The following AP4S1 variants were observed in gnomAD, a reference collection of about 807,000 sequenced individuals.
AP4S1 encodes AP-4 complex subunit sigma-1.
In AP4S1, 23 loss-of-function variants were observed where a neutral mutation model predicts 19.8. The ratio of observed to expected loss-of-function variants is 1.16; its 90% CI spans 0.84 to 1.65. The LOEUF (loss-of-function observed/expected upper bound fraction) is 1.65, where lower values mean the gene tolerates loss of function less well. AP4S1 is among the 40% of genes most tolerant of loss of function. The probability of loss-of-function intolerance (pLI) is 0.00; values close to 1 mark genes in which losing one functional copy is unlikely to be tolerated. For missense variants in AP4S1, 166 were observed against 172.8 expected (o/e 0.96, Z 0.22); for synonymous variants, 46 against 54.1 (o/e 0.85, Z 0.66).
intron 1 of AP4S1, among the ~76,000 whole-genome samples, chr14:31,045,290 A>G (rs1001929833): frequency 6.6e-6 from 1 of 152,168 alleles, no homozygotes; most frequent in African/African-American, 2.4e-5. Flanking sequence ...ACCGTTTGAT[A>G]TGGTTAGGCT....
chr14:31,057,121 T>A (rs1001963821), intron 1 of AP4S1, among the ~76,000 whole-genome samples: 2 of 152,152 alleles, frequency 1.3e-5, no homozygotes, highest in African/African-American at 4.8e-5. Flanking sequence ...ATGACACTGA[T>A]ATGTAGAGTG....
intron 1 of AP4S1, chr14:31,026,110 C>T: frequency 6.6e-7 from 1 of 1,515,938 alleles, no homozygotes; most frequent in Non-Finnish European, 8.8e-7. Context: ...CCCAGGTTCC[C>T]CCCAGGTCCC....
intron 4 of AP4S1, among the ~76,000 whole-genome samples, chr14:31,074,324 C>CAAAT (rs138770796): frequency 0.045 from 6,302 of 139,052 alleles, 181 homozygotes; most frequent in African/African-American, 0.082. Context: ...GACTCCGTCT[C>CAAAT]AAATAAATAA....
At position 31,025,665 on chromosome 14, in the gene AP4S1, G is replaced by A. The variant is rs1263507605; in HGVS notation, c.-194G>A. 6.4e-6 allele frequency: 4 copies of A among 622,298 alleles called. No individual in the cohort carries two copies. The highest frequency in any genetic ancestry group is 1.1e-5 in the Non-Finnish European group (4 of 374,670). The allele number at this position is 622,298 out of a possible 1,614,324, so 38.5% of individuals were successfully genotyped here. A position where few individuals can be genotyped will look rare whatever the true frequency, so the allele number is the denominator to read the frequency against. ...AGACGCCATACTAAAAGCCAAAATG[G>A]CTGCCCCGAGGAGGCCCGCACCGCG... On this transcript the variant is annotated 5_prime_UTR_variant, in exon 1 of 6. Coordinates refer to ENST00000542754, the MANE Select transcript of AP4S1 (RefSeq NM_001128126.3).
At chr14:31,089,022 C>T (rs927622823) in intron 5 of AP4S1, among the ~76,000 whole-genome samples, 1 of 151,204 alleles carries the variant, frequency 6.6e-6, no homozygotes, top group Non-Finnish European at 1.5e-5. Flanking sequence ...ATTAGATGGG[C>T]GTGGCAGCGC....
At chr14:31,051,608 CTT>C (rs1362859342) in intron 1 of AP4S1, among the ~76,000 whole-genome samples, 2 of 152,146 alleles carry the variant, frequency 1.3e-5, no homozygotes, top group African/African-American at 2.4e-5. Flanking sequence ...GATTTTGCGA[CTT>C]AACATTATTT....
intron 2 of AP4S1, among the ~76,000 whole-genome samples, chr14:31,067,147 G>C (rs1286402987): frequency 6.7e-6 from 1 of 150,356 alleles, no homozygotes; most frequent in Non-Finnish European, 1.5e-5. Context: ...GGTGAAGGTT[G>C]CAGTGAGCCA....
intron 4 of AP4S1, among the ~76,000 whole-genome samples, chr14:31,077,615 C>G (rs1162489329): frequency 1.3e-5 from 2 of 152,028 alleles, no homozygotes; most frequent in South Asian, 2.1e-4. Context: ...GCCCAGAAAT[C>G]TGTTTTAAGA....
At chr14:31,058,122 G>A (rs1886226069) in intron 1 of AP4S1, among the ~76,000 whole-genome samples, 1 of 152,054 alleles carries the variant, frequency 6.6e-6, no homozygotes, top group South Asian at 2.1e-4. Context: ...GTAGAGGCAT[G>A]GTCTCCTATA....
intron 1 of AP4S1, among the ~76,000 whole-genome samples, chr14:31,046,357 G>A (rs1225723530): frequency 2.0e-5 from 3 of 152,012 alleles, no homozygotes; most frequent in Non-Finnish European, 4.4e-5. Context: ...GCTTTTTCTG[G>A]ACATTTCTTA....
At position 31,047,797 on chromosome 14, in the gene AP4S1, A is replaced by G. The variant is rs368653077; in HGVS notation, c.-71-18329A>G. Among the ~76,000 whole-genome samples the G allele has an allele frequency of 4.0e-4, 61 of 152,180 alleles. 1 individual carries two copies. The East Asian group carries it at 0.011, about 26-fold the overall frequency. On this transcript the variant is annotated intron_variant, in intron 1 of 5. Transcript: ENST00000542754. ...AGGCTCAAGCCATTGTCATGCCTCA[A>G]TGACAAGCCTCCCGAGTAGTTGGGA...
At chr14:31,089,994 A>G (rs1248962733) in intron 5 of AP4S1, among the ~76,000 whole-genome samples, 1 of 152,064 alleles carries the variant, frequency 6.6e-6, no homozygotes, top group Non-Finnish European at 1.5e-5. Flanking sequence ...ATTTTTATTT[A>G]TTTATTTATT....
At chr14:31,080,126 T>C (rs1044827929) in intron 4 of AP4S1, among the ~76,000 whole-genome samples, 1 of 152,204 alleles carries the variant, frequency 6.6e-6, no homozygotes, top group Non-Finnish European at 1.5e-5. Flanking sequence ...GATATTTAGG[T>C]TATTATCCAT....
intron 1 of AP4S1, among the ~76,000 whole-genome samples, chr14:31,049,597 T>TA (rs1462090016): frequency 5.3e-5 from 8 of 151,226 alleles, no homozygotes; most frequent in African/African-American, 1.9e-4. Flanking sequence ...CATGTAGACT[T>TA]ATATACTCAG....
chr14:31,072,242 AT>A (rs932307834), intron 3 of AP4S1, among the ~76,000 whole-genome samples: 1 of 151,662 alleles, frequency 6.6e-6, no homozygotes, highest in Non-Finnish European at 1.5e-5. Flanking sequence ...CGCCAAGCCT[AT>A]TTTTTTATTT....
intron 5 of AP4S1, among the ~76,000 whole-genome samples, chr14:31,091,961 T>C (rs1342338532): frequency 6.6e-6 from 1 of 152,224 alleles, no homozygotes. Flanking sequence ...CAGTTCCCCT[T>C]CTTTCACCAA....
intron 1 of AP4S1, among the ~76,000 whole-genome samples, chr14:31,053,059 GCC>G (rs1172508071): frequency 6.7e-6 from 1 of 148,334 alleles, no homozygotes; most frequent in Non-Finnish European, 1.5e-5. Flanking sequence ...TCATGCCTTA[GCC>G]TCCCAAGTAG....
At chr14:31,041,080 A>T (rs1441693653) in intron 1 of AP4S1, among the ~76,000 whole-genome samples, 1 of 151,632 alleles carries the variant, frequency 6.6e-6, no homozygotes. Flanking sequence ...CATCTCAAAA[A>T]AAAAAAAAAA....
chr14:31,063,072 G>T (rs897287575), intron 1 of AP4S1, among the ~76,000 whole-genome samples: 1 of 151,982 alleles, frequency 6.6e-6, no homozygotes, highest in Admixed American at 6.6e-5. Context: ...AAGGCAGGAG[G>T]ACCCCTTGAG....
Sources: gnomAD v4.1 joint callset for allele counts (sites outside exome capture counted in the v4.1 genomes callset) on GRCh38, gnomAD v4.1.1 for gene constraint, MANE v1.5 for transcripts, NCBI Gene and HGNC (gene_info 2026-07-23, HGNC 2026-07-21) for gene names.